The following ANKRD26 variants were observed in gnomAD, a reference collection of about 807,000 sequenced individuals.
ANKRD26 encodes ankyrin repeat domain 26.
Under a neutral mutation model 208.7 loss-of-function variants are expected in ANKRD26, and 141 were observed. The ratio of observed to expected loss-of-function variants is 0.68; its 90% CI spans 0.59 to 0.78. ANKRD26 has a LOEUF of 0.78. ANKRD26 is among the 30% of genes least tolerant of loss of function. ANKRD26 has a pLI of 0.00. For missense variants in ANKRD26, 1,889 were observed against 1,938.7 expected, an observed-to-expected ratio of 0.97 and a Z score of 0.48; for synonymous variants, 636 against 660.4, an observed-to-expected ratio of 0.96 and a Z score of 0.57.
At chr10:27,075,878 A>T (rs2055680787) in intron 9 of ANKRD26, among the ~76,000 whole-genome samples, 1 of 152,226 alleles carries the variant, frequency 6.6e-6, no homozygotes, top group Non-Finnish European at 1.5e-5. Flanking sequence ...TAAATTTTAA[A>T]AAACTGAAAT....
chr10:27,037,032 GA>G (rs1311456016), intron 23 of ANKRD26, among the ~76,000 whole-genome samples, 153 bp downstream of exon 23: 1 of 151,966 alleles, frequency 6.6e-6, no homozygotes, highest in East Asian at 1.9e-4. Context: ...TTATCCAATG[GA>G]CCAAAAACAC....
intron 16 of ANKRD26, among the ~76,000 whole-genome samples, chr10:27,052,934 G>A (rs2054711443): frequency 6.6e-6 from 1 of 152,100 alleles, no homozygotes; most frequent in South Asian, 2.1e-4. Context: ...CCTTTAAGAT[G>A]AATCCAACTC....
chr10:26,997,782 C>T (rs180788610), intron 4 of ANKRD26, among the ~76,000 whole-genome samples: 32 of 152,304 alleles, frequency 2.1e-4, no homozygotes, highest in African/African-American at 7.7e-4. Context: ...GCTAAACCGC[C>T]ACAGCTGTGG....
At chr10:27,041,536 A>G (rs1371670838) in intron 20 of ANKRD26, among the ~76,000 whole-genome samples, 1 of 152,230 alleles carries the variant, frequency 6.6e-6, no homozygotes, top group Admixed American at 6.5e-5. Context: ...CAAGCTGTTT[A>G]TATGTAACTC....
chr10:27,094,037 C>A lies in ANKRD26; in HGVS notation c.243-238G>T, dbSNP rs11015521. ...TCACGAGGATGGTTCCCCCGTGCTG[C>A]TGCTCTTGTGATAGTGAGTTCTCAC... is the stretch of plus-strand genomic sequence containing the variant. On this transcript the variant is annotated intron_variant, in intron 1 of 33. Coordinates refer to ENST00000376087, the MANE Select transcript of ANKRD26 (RefSeq NM_014915.3). Among the ~76,000 whole-genome samples, 1,858 of 152,234 alleles carry A rather than the reference C, an allele frequency of 0.012. 22 individuals are homozygous for A. The highest frequency in any genetic ancestry group is 0.035 in the South Asian group (171 of 4,820).
intron 15 of ANKRD26, among the ~76,000 whole-genome samples, chr10:27,054,306 C>T (rs35211507): frequency 0.082 from 12,440 of 152,106 alleles, 724 homozygotes; most frequent in East Asian, 0.28. Context: ...TAAATAAAAC[C>T]GGGTACGGTG....
At chr10:27,067,685 A>C (rs766524438) in intron 9 of ANKRD26, among the ~76,000 whole-genome samples, 22 of 152,246 alleles carry the variant, frequency 1.4e-4, no homozygotes, top group Non-Finnish European at 3.1e-4. Flanking sequence ...CAAGGACAGG[A>C]CCAATGGGGA....
At chr10:27,017,994 T>C (rs567732603) in intron 29 of ANKRD26, among the ~76,000 whole-genome samples, 2 of 152,172 alleles carry the variant, frequency 1.3e-5, no homozygotes, top group East Asian at 3.9e-4. Context: ...CAAAAATATA[T>C]TCCTTATTTT....
At chr10:27,086,648 G>C in intron 4 of ANKRD26, 39 bp from the exon 5 acceptor site, 1 of 1,562,488 alleles carries the variant, frequency 6.4e-7, no homozygotes, top group South Asian at 1.2e-5. Context: ...TGTTAATACT[G>C]ATACAAAAAA....
chr10:27,039,496 T>G (rs905780964), intron 21 of ANKRD26, among the ~76,000 whole-genome samples: 8 of 151,908 alleles, frequency 5.3e-5, no homozygotes, highest in African/African-American at 1.7e-4. Context: ...GGCCATTTCA[T>G]TCTCTATTGA....
Position 27,005,500 on chromosome 10 carries a change from AC to A in ANKRD26, c.*89del. The A allele has an allele frequency of 6.5e-7, 1 of 1,550,032 alleles. No homozygotes were observed. Among genetic ancestry groups the A allele is most frequent in the South Asian group, 1.2e-5 (1 of 82,498 alleles). On this transcript the variant is annotated 3_prime_UTR_variant, in exon 34 of 34. Transcript: ENST00000376087. ...GATCTGACATATATGATACAAAAAT[AC>A]GTTCCTTTAATATTTTTACATGTCA...
intron 6 of ANKRD26, among the ~76,000 whole-genome samples, chr10:27,081,533 T>C (rs1025679857): frequency 6.6e-6 from 1 of 152,216 alleles, no homozygotes; most frequent in Non-Finnish European, 1.5e-5. Context: ...GTTCTCCATC[T>C]GAACCATTTG....
At chr10:27,046,219 T>C in intron 18 of ANKRD26, 134 bp downstream of exon 18, 1 of 939,592 alleles carries the variant, frequency 1.1e-6, no homozygotes, top group Non-Finnish European at 1.6e-6. Flanking sequence ...AAGTCACTTG[T>C]CCTCATCTTA....
At chr10:26,965,145 T>A in the ANKRD26 span, among the ~76,000 whole-genome samples, 1 of 152,180 alleles carries the variant, frequency 6.6e-6, no homozygotes, top group Non-Finnish European at 1.5e-5. Flanking sequence ...AAAGTTCATA[T>A]GGAACCAAAA....
At position 27,061,160 on chromosome 10, in the gene ANKRD26, C is replaced by T; in HGVS notation, c.1446G>A (p.Met482Ile). 6.2e-7 allele frequency: 1 copy of T among 1,610,602 alleles called. No homozygotes were observed. Among genetic ancestry groups the T allele is most frequent in the South Asian group, 1.1e-5 (1 of 91,020 alleles). ...AKLEDTRNVGMPVAHMESPER... is the reference protein window; with the variant it reads ...AKLEDTRNVGIPVAHMESPER... Reference sequence around the variant, plus strand: ...TTTCCATACCCATGTGGGCTACTGGCATGCCTACATTTCTTGTATCCTCTA... The same window carrying T: ...TTTCCATACCCATGTGGGCTACTGGTATGCCTACATTTCTTGTATCCTCTA... The change falls in exon 13 of 34, where the codon ATG becomes ATA. Residue 482 changes from methionine (M) to isoleucine (I), a missense_variant. Coordinates refer to ENST00000376087, the MANE Select transcript of ANKRD26 (RefSeq NM_014915.3).
Position 27,028,884 on chromosome 10 carries a change from C to T in ANKRD26, c.3940G>A (p.Glu1314Lys), listed in dbSNP as rs886046945. Residue 1314 changes from glutamate (E) to lysine (K), a missense_variant, in exon 27 of 34, where the codon GAG becomes AAG. This residue lies in a region of ANKRD26 where 613 missense variants were observed against 648.2 expected (regional missense o/e 0.95). Transcript: ENST00000376087. ...GCATTTAACAGGTTTTTCTGAAGCT[C>T]CTCAATTTTGTCCATTTGCTTTTTG... ...TVKKQMDKIE[E>K]LQKNLLNANL... 3 of 1,613,326 alleles carry T rather than the reference C, an allele frequency of 1.9e-6. No homozygotes were observed. The highest frequency in any genetic ancestry group is 2.5e-6 in the Non-Finnish European group (3 of 1,179,604).
At chr10:27,070,423 A>G (rs1282068852) in intron 9 of ANKRD26, among the ~76,000 whole-genome samples, 1 of 152,156 alleles carries the variant, frequency 6.6e-6, no homozygotes, top group East Asian at 1.9e-4. Context: ...AAAGAAAGCT[A>G]TGATTATCCA....
At chr10:27,020,535 C>CA (rs147683866) in intron 29 of ANKRD26, among the ~76,000 whole-genome samples, 3,358 of 152,230 alleles carry the variant, frequency 0.022, 137 homozygotes, top group African/African-American at 0.076. Flanking sequence ...TTCTTTTTAG[C>CA]ACTTGCATAC....
downstream of ANKRD26, chr10:26,991,765 A>G (rs926866359): frequency 6.6e-6 from 1 of 152,112 alleles, no homozygotes; most frequent in African/African-American, 2.4e-5. Context: ...GTAGATAAAA[A>G]GACAAAATGG....
Sources: allele counts gnomAD v4.1 joint callset (sites outside exome capture counted in the v4.1 genomes callset), GRCh38; gene constraint gnomAD v4.1.1; regional missense constraint gnomAD v4.1.1; transcripts MANE v1.5; gene names NCBI Gene and HGNC (gene_info 2026-07-23, HGNC 2026-07-21).